UBA6: variants seen among roughly 807,000 people sequenced by gnomAD.
The protein encoded by UBA6 is ubiquitin-like modifier-activating enzyme 6.
A neutral mutation model predicts 148.3 loss-of-function variants in UBA6; 87 were observed. The observed-to-expected ratio is 0.59, with a 90% CI of 0.49 to 0.70. The LOEUF (loss-of-function observed/expected upper bound fraction) is 0.70, where lower values mean the gene tolerates loss of function less well. Among genes scored for constraint, UBA6 ranks in the 30% least tolerant of loss-of-function variants. The probability of loss-of-function intolerance (pLI) is 0.00; values close to 1 mark genes in which losing one functional copy is unlikely to be tolerated. For synonymous variants in UBA6, 376 were observed against 401.0 expected (o/e 0.94, Z 0.75); for missense variants, 1,186 against 1,241.2 (o/e 0.96, Z 0.67).
At chr4:67,697,408 T>G (rs1385280229) in intron 1 of UBA6, among the ~76,000 whole-genome samples, 3 of 152,222 alleles carry the variant, frequency 2.0e-5, no homozygotes, top group African/African-American at 7.2e-5. Flanking sequence ...ATCCTATTGA[T>G]GAATATATAT....
chr4:67,641,837 G>C (rs752488038), intron 17 of UBA6, among the ~76,000 whole-genome samples: 15 of 152,116 alleles, frequency 9.9e-5, no homozygotes, highest in African/African-American at 3.6e-4. Context: ...ATTTGCAATC[G>C]TGTCCTTTAA....
chr4:67,636,018 A>G (rs1207585670), intron 19 of UBA6, among the ~76,000 whole-genome samples: 1 of 151,954 alleles, frequency 6.6e-6, no homozygotes, highest in African/African-American at 2.4e-5. Flanking sequence ...TACTTTTCAC[A>G]TTTTTCAACT....
At chr4:67,636,910 C>T (rs1231583110) in intron 19 of UBA6, among the ~76,000 whole-genome samples, 2 of 148,174 alleles carry the variant, frequency 1.3e-5, no homozygotes, top group Non-Finnish European at 3.0e-5. Flanking sequence ...AAGTGAGGAG[C>T]GCCTCTTCCC....
At chr4:67,686,304 C>A (rs1730557922) in intron 2 of UBA6, among the ~76,000 whole-genome samples, 1 of 152,160 alleles carries the variant, frequency 6.6e-6, no homozygotes, top group Non-Finnish European at 1.5e-5. Context: ...TTTTCTTTCT[C>A]TAAGCTAAAC....
chr4:67,673,680 C>T lies in UBA6; in HGVS notation c.546+17G>A. The T allele has an allele frequency of 6.3e-7, 1 of 1,577,036 alleles. No homozygotes were observed. The highest frequency in any genetic ancestry group is 2.2e-5 in the East Asian group (1 of 44,520). ...TTCCTTGGTTAACTACATGTCATTA[C>T]TAAATGATACAATTACCTTAATTGG... On this transcript the variant is annotated intron_variant, in intron 7 of 32. Coordinates refer to ENST00000322244, the MANE Select transcript of UBA6 (RefSeq NM_018227.6).
intron 13 of UBA6, among the ~76,000 whole-genome samples, chr4:67,652,857 C>A (rs1485223353): frequency 1.3e-5 from 2 of 152,240 alleles, no homozygotes; most frequent in Non-Finnish European, 2.9e-5. Context: ...TAGCAACCGG[C>A]AGACCAGGAG....
chr4:67,649,301 T>C, intron 13 of UBA6, 90 bp from the exon 14 acceptor site: 1 of 1,281,764 alleles, frequency 7.8e-7, no homozygotes, highest in South Asian at 1.8e-5. Flanking sequence ...AATTAGAACT[T>C]AACTTCTAAA....
Position 67,624,170 on chromosome 4 carries a change from A to G in UBA6, c.2796T>C (p.Ile932=). The change falls in exon 30 of 33, where the codon ATT becomes ATC. Residue 932 remains isoleucine, a synonymous_variant. Coordinates refer to ENST00000322244, the MANE Select transcript of UBA6 (RefSeq NM_018227.6). ...KNCFLNLAIP[I]VVFTETTEVR... ...CTTCAGTTGTCTCTGTAAATACTACAATTGGAATGGCTAAGTTAAGAAAAC... is the reference window on the plus strand; with the variant it reads ...CTTCAGTTGTCTCTGTAAATACTACGATTGGAATGGCTAAGTTAAGAAAAC... 1 of 1,609,246 alleles carries G rather than the reference A, an allele frequency of 6.2e-7. No homozygotes were observed. Among genetic ancestry groups the G allele is most frequent in the Non-Finnish European group, 8.5e-7 (1 of 1,177,854 alleles).
At position 67,652,560 on chromosome 4, in the gene UBA6, C is replaced by A. The variant is rs189973199; in HGVS notation, c.1105-3349G>T. 2.4e-3 allele frequency among the ~76,000 whole-genome samples: 364 copies of A among 152,292 alleles called. 1 individual carries two copies. Among genetic ancestry groups the A allele is most frequent in the African/African-American group, 8.3e-3 (343 of 41,564 alleles). Reference sequence around the variant, plus strand: ...TAAAATTAAACATGGTCTTGGTCCTCCCAGATGGCCGAATAGGAACAGCTC... The same window carrying A: ...TAAAATTAAACATGGTCTTGGTCCTACCAGATGGCCGAATAGGAACAGCTC... On this transcript the variant is annotated intron_variant, in intron 13 of 32. Coordinates refer to ENST00000322244, the MANE Select transcript of UBA6 (RefSeq NM_018227.6).
chr4:67,669,394 C>T (rs1259646199), intron 8 of UBA6, among the ~76,000 whole-genome samples: 1 of 152,112 alleles, frequency 6.6e-6, no homozygotes, highest in Admixed American at 6.5e-5. Context: ...AGAGACAGTA[C>T]TGGGTCTCCA....
intron 1 of UBA6, among the ~76,000 whole-genome samples, chr4:67,698,848 T>C (rs1466383053): frequency 6.6e-6 from 1 of 151,850 alleles, no homozygotes; most frequent in Non-Finnish European, 1.5e-5. Flanking sequence ...TATTCCCAGC[T>C]ACTTGGGAGG....
intron 32 of UBA6, among the ~76,000 whole-genome samples, chr4:67,621,214 G>A (rs997780685): frequency 6.6e-6 from 1 of 152,068 alleles, no homozygotes; most frequent in Non-Finnish European, 1.5e-5. Flanking sequence ...ATAATATAAG[G>A]CAAATTAATG....
In UBA6 at chr4:67,618,931, G is replaced by A. The variant is rs912541428; in HGVS notation, c.*66C>T. 1 of 1,497,184 alleles carries A rather than the reference G, an allele frequency of 6.7e-7. No homozygotes were observed. The highest frequency in any genetic ancestry group is 9.1e-7 in the Non-Finnish European group (1 of 1,098,128). 92.7% of individuals were successfully genotyped at this position (1,497,184 alleles called of 1,614,324 possible). A position where few individuals can be genotyped will look rare whatever the true frequency, so the allele number is the denominator to read the frequency against. ...TAGTATTATGAACTGATTTTCTTTAGCTTCTGAATTAAGTGCACTCTTTCC... is the reference window on the plus strand; with the variant it reads ...TAGTATTATGAACTGATTTTCTTTAACTTCTGAATTAAGTGCACTCTTTCC... On this transcript the variant is annotated 3_prime_UTR_variant, in exon 33 of 33. Transcript: ENST00000322244.
intron 9 of UBA6, among the ~76,000 whole-genome samples, chr4:67,667,877 C>A (rs998070662): frequency 2.6e-5 from 4 of 152,136 alleles, no homozygotes; most frequent in African/African-American, 4.8e-5. Context: ...CAACTTCTTG[C>A]GAACAAACCT....
intron 7 of UBA6, among the ~76,000 whole-genome samples, chr4:67,671,436 T>C (rs1466276522): frequency 1.4e-5 from 2 of 146,396 alleles, no homozygotes; most frequent in African/African-American, 2.5e-5. Flanking sequence ...TGGATACATA[T>C]AGCTTTTTTT....
In UBA6 at chr4:67,627,190, A is replaced by G. The variant is rs879882133; in HGVS notation, c.2401-713T>C. On this transcript the variant is annotated intron_variant, in intron 27 of 32. Transcript: ENST00000322244. Reference sequence around the variant, plus strand: ...AAATTAGCTTCATTATCATGAAGTAATATTTATTTAAAAATACACTCAAAT... The same window carrying G: ...AAATTAGCTTCATTATCATGAAGTAGTATTTATTTAAAAATACACTCAAAT... Among the ~76,000 whole-genome samples, 77 of 152,100 alleles carry G rather than the reference A, an allele frequency of 5.1e-4. 1 individual carries two copies. Among genetic ancestry groups the G allele is most frequent in the South Asian group, 6.2e-4 (3 of 4,828 alleles).
rs564477525 is a variant in UBA6, at chr4:67,673,313, G to A, written c.546+384C>T. ...CCTGTAAGATCCCAGCTACTCAGGGGACTGAGACAGGAGAATAGCTTGAAC... is the reference window on the plus strand; with the variant it reads ...CCTGTAAGATCCCAGCTACTCAGGGAACTGAGACAGGAGAATAGCTTGAAC... On this transcript the variant is annotated intron_variant, in intron 7 of 32. Transcript: ENST00000322244. Among the ~76,000 whole-genome samples, 3 of 151,672 alleles carry A rather than the reference G, an allele frequency of 2.0e-5. No individual in the cohort carries two copies. In the East Asian group the frequency reaches 5.8e-4, roughly 29 times the overall value.
chr4:67,631,677 A>G (rs1284502404), intron 25 of UBA6, 31 bp downstream of exon 25: 1 of 1,485,332 alleles, frequency 6.7e-7, no homozygotes, highest in Non-Finnish European at 9.3e-7. Context: ...TATATAATGA[A>G]GGATACATAA....
chr4:67,693,808 A>G (rs369684878), intron 2 of UBA6, among the ~76,000 whole-genome samples: 2 of 152,166 alleles, frequency 1.3e-5, no homozygotes, highest in East Asian at 1.9e-4. Flanking sequence ...TATCTCCCTG[A>G]GATATTAAGA....
Sources: gnomAD v4.1 joint callset for allele counts (sites outside exome capture counted in the v4.1 genomes callset) on GRCh38, gnomAD v4.1.1 for gene constraint, MANE v1.5 for transcripts, NCBI Gene and HGNC (gene_info 2026-07-23, HGNC 2026-07-21) for gene names.